Variants in MTHFD1L observed in about 807,000 individuals in gnomAD.
MTHFD1L encodes monofunctional C1-tetrahydrofolate synthase, mitochondrial.
MTHFD1L carries 81 observed loss-of-function variants against 119.5 expected under a neutral mutation model. That is an observed-to-expected ratio of 0.68 (90% CI 0.57 to 0.82). The LOEUF is 0.82. MTHFD1L is among the 40% of genes least tolerant of loss of function. The pLI, the probability that MTHFD1L is intolerant of heterozygous loss-of-function variation, is 0.00. For synonymous variants in MTHFD1L, 430 were observed against 475.2 expected (o/e 0.90, Z 1.24); for missense variants, 1,125 against 1,253.4 (o/e 0.90, Z 1.55).
intron 12 of MTHFD1L, among the ~76,000 whole-genome samples, chr6:150,937,608 C>T (rs942813439): frequency 3.9e-5 from 6 of 152,266 alleles, no homozygotes; most frequent in East Asian, 3.9e-4. Flanking sequence ...GTACTGATAA[C>T]GCACAGAGTG....
chr6:150,926,435 T>C lies in MTHFD1L; in HGVS notation c.1256+140T>C, dbSNP rs1687004341. 3.6e-6 allele frequency: 3 copies of C among 832,934 alleles called. No individual in the cohort carries two copies. Among genetic ancestry groups the C allele is most frequent in the African/African-American group, 3.4e-5 (2 of 57,992 alleles). 51.6% of individuals were successfully genotyped at this position (832,934 alleles called of 1,614,324 possible). On this transcript the variant is annotated intron_variant, in intron 11 of 27. Transcript: ENST00000367321. This position sits in a 1 kb window ranked among gnomAD's most constrained non-coding sequence, Gnocchi z 4.3. The stretch of plus-strand genomic sequence containing the variant: ...TCCATTTCATTTGGCATTTCTTTAT[T>C]TGGTGTGAGATAAGTTTTTATTTTC...
In MTHFD1L at chr6:150,866,009, C is replaced by G. The variant is rs1299453169; in HGVS notation, c.187C>G (p.Pro63Ala). ...TGGCCAGGCCCGGAGCAGCTGCAGCCCCGGCGGCCGAACGCCCGCGGCGCG... is the reference window on the plus strand; with the variant it reads ...TGGCCAGGCCCGGAGCAGCTGCAGCGCCGGCGGCCGAACGCCCGCGGCGCG... ...QDGQARSSCS[P>A]GGRTPAARDS... Residue 63 changes from proline to alanine, a missense_variant, in exon 1 of 28, where the codon CCC (proline) becomes GCC (alanine). By Grantham distance (27) the Pro-to-Ala change is conservative. This residue lies in a region of MTHFD1L where 1,058 missense variants were observed against 1,151.2 expected (regional missense o/e 0.92). Coordinates refer to ENST00000367321, the MANE Select transcript of MTHFD1L (RefSeq NM_015440.5). 3.6e-6 allele frequency: 5 copies of G among 1,386,636 alleles called. No homozygotes were observed. The highest frequency in any genetic ancestry group is 4.6e-6 in the Non-Finnish European group (5 of 1,075,674). The allele number at this position is 1,386,636 out of a possible 1,614,324, so 85.9% of individuals were successfully genotyped here. A position where few individuals can be genotyped will look rare whatever the true frequency, so the allele number is the denominator to read the frequency against.
intron 15 of MTHFD1L, among the ~76,000 whole-genome samples, chr6:150,948,742 G>A (rs1794409495): frequency 6.6e-6 from 1 of 151,024 alleles, no homozygotes; most frequent in South Asian, 2.1e-4. Context: ...CCAGGTTACA[G>A]CGATTCTCCT....
intron 20 of MTHFD1L, among the ~76,000 whole-genome samples, chr6:150,989,920 G>A (rs564964025): frequency 4.8e-4 from 73 of 152,162 alleles, no homozygotes; most frequent in Non-Finnish European, 9.1e-4. Flanking sequence ...AATGAACTTC[G>A]TGGTTAAATT....
chr6:150,905,870 A>G (rs1378616945), intron 8 of MTHFD1L, 109 bp downstream of exon 8: 1 of 838,292 alleles, frequency 1.2e-6, no homozygotes, highest in Non-Finnish European at 2.0e-6. Flanking sequence ...AGTCGTCAAC[A>G]TTAATATATA....
At chr6:151,066,799 T>C (rs930405092) in intron 26 of MTHFD1L, among the ~76,000 whole-genome samples, 27 of 151,926 alleles carry the variant, frequency 1.8e-4, no homozygotes, top group African/African-American at 6.3e-4. Flanking sequence ...TAGTCTACTG[T>C]TGGTTCTTCC....
chr6:150,937,848 T>C (rs1441395800), intron 12 of MTHFD1L, among the ~76,000 whole-genome samples: 1 of 152,222 alleles, frequency 6.6e-6, no homozygotes, highest in Non-Finnish European at 1.5e-5. Flanking sequence ...TGTCAAATGA[T>C]ACACACATGG....
At chr6:150,983,075 C>T (rs1332895119) in intron 20 of MTHFD1L, among the ~76,000 whole-genome samples, 2 of 152,172 alleles carry the variant, frequency 1.3e-5, no homozygotes, top group Non-Finnish European at 2.9e-5. Context: ...GATTTAGCAT[C>T]TTTATGGCTG....
intron 5 of MTHFD1L, among the ~76,000 whole-genome samples, chr6:150,884,141 ATT>A (rs55821340): frequency 8.4e-5 from 11 of 130,576 alleles, no homozygotes; most frequent in Non-Finnish European, 1.1e-4. Flanking sequence ...CCTCATCTCT[ATT>A]TTTTTTTTTT....
chr6:150,988,340 A>G (rs932763940), intron 20 of MTHFD1L, among the ~76,000 whole-genome samples: 1 of 152,238 alleles, frequency 6.6e-6, no homozygotes, highest in South Asian at 2.1e-4. Flanking sequence ...AGGATACTCA[A>G]AAAGAGTCAA....
chr6:150,889,080 G>A (rs1782786371), intron 7 of MTHFD1L, among the ~76,000 whole-genome samples: 1 of 152,198 alleles, frequency 6.6e-6, no homozygotes. Flanking sequence ...GGGAAGCTGA[G>A]GCAGGAGAAT....
rs138482162 is a variant in MTHFD1L at position 150,951,217 on chromosome 6, A to G, written c.1726+2084A>G. Among the ~76,000 whole-genome samples the G allele has an allele frequency of 7.2e-3, 1,094 of 151,590 alleles. 16 individuals carry two copies. Among genetic ancestry groups the G allele is most frequent in the African/African-American group, 0.025 (1,050 of 41,264 alleles). On this transcript the variant is annotated intron_variant, in intron 16 of 27. Coordinates refer to ENST00000367321, the MANE Select transcript of MTHFD1L (RefSeq NM_015440.5). Reference sequence around the variant, plus strand: ...CAGCTAATTTTCGTATTTTTAGTAGAGATGGGGTTTCATCATGCTGCCCAG... The same window carrying G: ...CAGCTAATTTTCGTATTTTTAGTAGGGATGGGGTTTCATCATGCTGCCCAG...
At chr6:150,933,041 G>A (rs911067682) in intron 11 of MTHFD1L, among the ~76,000 whole-genome samples, 7 of 152,092 alleles carry the variant, frequency 4.6e-5, no homozygotes, top group African/African-American at 1.7e-4. Flanking sequence ...GGTGAAATAA[G>A]CTTTTTTATT....
At chr6:150,866,175 G>A (rs1778262165) in intron 1 of MTHFD1L, 126 bp downstream of exon 1, 1 of 1,369,582 alleles carries the variant, frequency 7.3e-7, no homozygotes, top group South Asian at 1.5e-5. Context: ...CAACTCATTA[G>A]GGGGGCCGGG....
At chr6:151,032,186 AAAGGCATCC>A (rs1785426683) in intron 24 of MTHFD1L, among the ~76,000 whole-genome samples, 1 of 152,240 alleles carries the variant, frequency 6.6e-6, no homozygotes, top group Admixed American at 6.5e-5. Context: ...GAGTTGCTAT[AAAGGCATCC>A]CTGAGACTGG....
intron 26 of MTHFD1L, among the ~76,000 whole-genome samples, chr6:151,049,598 G>A (rs186975919): frequency 2.5e-3 from 380 of 149,148 alleles, no homozygotes; most frequent in African/African-American, 9.1e-3. Flanking sequence ...GGAGGCGGAA[G>A]TTGCAGTGAG....
At chr6:151,078,726 G>A (rs1426679406) in intron 26 of MTHFD1L, among the ~76,000 whole-genome samples, 2 of 152,062 alleles carry the variant, frequency 1.3e-5, no homozygotes, top group Non-Finnish European at 2.9e-5. Flanking sequence ...CAGCAGGGGG[G>A]ATGGGTTTTC....
intron 20 of MTHFD1L, among the ~76,000 whole-genome samples, chr6:150,974,082 T>A (rs543879216): frequency 1.4e-4 from 22 of 152,344 alleles, no homozygotes; most frequent in Middle Eastern, 3.4e-3. Flanking sequence ...CGTTGCCAGA[T>A]GGTTCAAAGG....
At chr6:151,097,506 A>T (rs1014294087) in intron 27 of MTHFD1L, among the ~76,000 whole-genome samples, 1 of 152,190 alleles carries the variant, frequency 6.6e-6, no homozygotes, top group Admixed American at 6.5e-5. Context: ...GCACGGAAAG[A>T]CTAATGCTGC....
Sources: allele counts gnomAD v4.1 joint callset (sites outside exome capture counted in the v4.1 genomes callset), GRCh38; gene constraint gnomAD v4.1.1; regional missense constraint gnomAD v4.1.1; non-coding constraint Gnocchi (gnomAD v3.1); transcripts MANE v1.5; gene names NCBI Gene and HGNC (gene_info 2026-07-23, HGNC 2026-07-21).